RELL1: variants seen among roughly 807,000 people sequenced by gnomAD.
RELL1 encodes RELT like 1, also known as RELT-like protein 1.
Under a neutral mutation model 23.0 loss-of-function variants are expected in RELL1, and 10 were observed. The ratio of observed to expected loss-of-function variants is 0.43; its 90% CI spans 0.27 to 0.74. The LOEUF is 0.74. Ranked by LOEUF, RELL1 falls within the 30% of genes least tolerant of loss-of-function variation. The pLI is 0.19. For missense variants in RELL1, 315 were observed against 364.4 expected (o/e 0.86, Z 1.10); for synonymous variants, 146 against 146.8 (o/e 0.99, Z 0.04).
intron 5 of RELL1, among the ~76,000 whole-genome samples, chr4:37,634,624 A>C (rs1211619790): frequency 6.6e-6 from 1 of 152,254 alleles, no homozygotes; most frequent in Non-Finnish European, 1.5e-5. Context: ...TTCTGTATAC[A>C]GTTGAAAATC....
At chr4:37,605,177 G>A (rs1719156824) in intron 6 of RELL1, among the ~76,000 whole-genome samples, 1 of 152,178 alleles carries the variant, frequency 6.6e-6, no homozygotes, top group Non-Finnish European at 1.5e-5. Context: ...AAGTAGCAGT[G>A]TGGGCACATG....
intron 3 of RELL1, among the ~76,000 whole-genome samples, chr4:37,643,895 G>GT (rs1257249091): frequency 2.6e-5 from 4 of 152,186 alleles, no homozygotes; most frequent in Non-Finnish European, 5.9e-5. Context: ...GCAACATCAG[G>GT]TATTACCTGA....
At position 37,612,340 on chromosome 4, in the gene RELL1, AAAAAAAAAC is replaced by A. The variant is rs1719427944; in HGVS notation, c.*997_*1005del. Reference sequence around the variant, plus strand: ...TAAAGGTTAAAAAAAAAAAAAAAACAAAAAAAAACAAAAAACCGGGTGCAGTGGCCCACG... The same window carrying A: ...TAAAGGTTAAAAAAAAAAAAAAAACAAAAAAACCGGGTGCAGTGGCCCACG... On this transcript the variant is annotated 3_prime_UTR_variant, in exon 7 of 7. Coordinates refer to ENST00000454158, the MANE Select transcript of RELL1 (RefSeq NM_001085400.2). Among the ~76,000 whole-genome samples, 23 of 3,086 alleles carry A rather than the reference AAAAAAAAAC, an allele frequency of 7.5e-3. No homozygotes were observed. The highest frequency in any genetic ancestry group is 0.033 in the Non-Finnish European group (13 of 396). The allele number at this position is 3,086 out of a possible 152,430, so 2.0% of individuals were successfully genotyped here. A position where few individuals can be genotyped will look rare whatever the true frequency, so the allele number is the denominator to read the frequency against.
At chr4:37,596,728 AT>A (rs1718862444) in intron 6 of RELL1, among the ~76,000 whole-genome samples, 1 of 16,730 alleles carries the variant, frequency 6.0e-5, no homozygotes. Context: ...ATATATATAT[AT>A]ATATATATTT....
At position 37,612,316 on chromosome 4, in the gene RELL1, A is replaced by G. The variant is rs1262416537; in HGVS notation, c.*1030T>C. Among the ~76,000 whole-genome samples the G allele has an allele frequency of 8.6e-6, 1 of 115,684 alleles. No individual in the cohort carries two copies. The highest frequency in any genetic ancestry group is 1.8e-5 in the Non-Finnish European group (1 of 55,988). 75.9% of individuals were successfully genotyped at this position (115,684 alleles called of 152,430 possible). A position where few individuals can be genotyped will look rare whatever the true frequency, so the allele number is the denominator to read the frequency against. On this transcript the variant is annotated 3_prime_UTR_variant, in exon 7 of 7. Coordinates refer to ENST00000454158, the MANE Select transcript of RELL1 (RefSeq NM_001085400.2). ...TGGATTAACCAAGAATCGCTCAGCTAAAGGTTAAAAAAAAAAAAAAAACAA... is the reference window on the plus strand; with the variant it reads ...TGGATTAACCAAGAATCGCTCAGCTGAAGGTTAAAAAAAAAAAAAAAACAA...
At chr4:37,607,035 A>C (rs1053351468), downstream of RELL1, among the ~76,000 whole-genome samples, 4 of 152,172 alleles carry the variant, frequency 2.6e-5, no homozygotes, top group African/African-American at 9.7e-5. Context: ...CCTTATGCAA[A>C]ACCTCCGTCT....
At chr4:37,609,064 GA>G (rs1320335192), downstream of RELL1, among the ~76,000 whole-genome samples, 2 of 152,200 alleles carry the variant, frequency 1.3e-5, no homozygotes, top group Non-Finnish European at 2.9e-5. Flanking sequence ...GTGGCTAAAT[GA>G]AAAAACAGAT....
chr4:37,604,634 G>A (rs1330298802), intron 6 of RELL1, among the ~76,000 whole-genome samples: 1 of 152,080 alleles, frequency 6.6e-6, no homozygotes, highest in Non-Finnish European at 1.5e-5. Context: ...TGCAGATGGT[G>A]ACAAATGACT....
chr4:37,607,586 T>C (rs201817933), downstream of RELL1, among the ~76,000 whole-genome samples: 3,887 of 149,188 alleles, frequency 0.026, 193 homozygotes, highest in East Asian at 0.12. Flanking sequence ...TTTCTTTTTT[T>C]TTTTTTTTTT....
chr4:37,602,524 C>T (rs1029029078), intron 6 of RELL1, among the ~76,000 whole-genome samples: 4 of 152,022 alleles, frequency 2.6e-5, no homozygotes, highest in African/African-American at 9.7e-5. Context: ...CTCAACTCGA[C>T]TCAGACAAAG....
chr4:37,638,476 T>A lies in RELL1; in HGVS notation c.414A>T (p.Val138=). 1 of 1,613,118 alleles carries A rather than the reference T, an allele frequency of 6.2e-7. No individual in the cohort carries two copies. Among genetic ancestry groups the A allele is most frequent in the Non-Finnish European group, 8.5e-7 (1 of 1,179,394 alleles). Residue 138 remains valine (V), a synonymous_variant, in exon 4 of 7, where the codon GTA becomes GTT. Transcript: ENST00000454158. The part of the protein sequence containing the change: ...EANADVLKAM[V]ADNSLYDPES... ...CAGGATCATACAGGCTGTTATCTGCTACCATCGCCTTTAAGACATCAGCAT... is the reference window on the plus strand; with the variant it reads ...CAGGATCATACAGGCTGTTATCTGCAACCATCGCCTTTAAGACATCAGCAT...
chr4:37,644,169 A>G (rs1720616823), intron 3 of RELL1, among the ~76,000 whole-genome samples: 1 of 152,160 alleles, frequency 6.6e-6, no homozygotes, highest in South Asian at 2.1e-4. Context: ...AAAGGAAAAC[A>G]ACATCATTTA....
chr4:37,610,775 T>C lies in RELL1; in HGVS notation c.*2571A>G, dbSNP rs1719348006. ...TTTTTACATCAAGGTAGTAGCCAACTCATTGATGACACCAAAAAGTTGTCC... is the reference window on the plus strand; with the variant it reads ...TTTTTACATCAAGGTAGTAGCCAACCCATTGATGACACCAAAAAGTTGTCC... On this transcript the variant is annotated 3_prime_UTR_variant, in exon 7 of 7. Coordinates refer to ENST00000454158, the MANE Select transcript of RELL1 (RefSeq NM_001085400.2). The surrounding 1 kb of genome is among the most constrained non-coding windows in gnomAD (Gnocchi z 4.1). 6.6e-6 allele frequency among the ~76,000 whole-genome samples: 1 copy of C among 152,238 alleles called. No homozygotes were observed. The highest frequency in any genetic ancestry group is 2.1e-4 in the South Asian group (1 of 4,834).
At chr4:37,666,943 G>A (rs1045704534) in intron 1 of RELL1, among the ~76,000 whole-genome samples, 1 of 152,338 alleles carries the variant, frequency 6.6e-6, no homozygotes, top group East Asian at 1.9e-4. Context: ...ACTGGAAAAG[G>A]AAGGTGAGTA....
At chr4:37,615,253 TGA>T (rs1311670857) in intron 6 of RELL1, among the ~76,000 whole-genome samples, 1 of 152,196 alleles carries the variant, frequency 6.6e-6, no homozygotes, top group East Asian at 1.9e-4. Context: ...GTAATATCTT[TGA>T]GAGAGGAAGT....
chr4:37,618,362 G>A (rs933303263), intron 6 of RELL1, among the ~76,000 whole-genome samples: 1 of 151,670 alleles, frequency 6.6e-6, no homozygotes, highest in African/African-American at 2.4e-5. Context: ...TGGGACTACA[G>A]GTGCATGCCA....
chr4:37,609,914 A>G (rs1208690081), downstream of RELL1, among the ~76,000 whole-genome samples: 3 of 152,244 alleles, frequency 2.0e-5, no homozygotes, highest in Non-Finnish European at 4.4e-5. Context: ...CACTGTTGAA[A>G]TGACAGCAAA....
At position 37,612,333 on chromosome 4, in the gene RELL1, AAAAAAC is replaced by A. The variant is rs1183471899; in HGVS notation, c.*1007_*1012del. 8.3e-5 allele frequency among the ~76,000 whole-genome samples: 2 copies of A among 24,158 alleles called. No homozygotes were observed. The highest frequency in any genetic ancestry group is 7.4e-5 in the African/African-American group (1 of 13,564). 15.8% of individuals were successfully genotyped at this position (24,158 alleles called of 152,430 possible). ...GCTCAGCTAAAGGTTAAAAAAAAAAAAAAAACAAAAAAAAACAAAAAACCGGGTGCA... is the reference window on the plus strand; with the variant it reads ...GCTCAGCTAAAGGTTAAAAAAAAAAAAAAAAAAAACAAAAAACCGGGTGCA... On this transcript the variant is annotated 3_prime_UTR_variant, in exon 7 of 7. Transcript: ENST00000454158.
intron 1 of RELL1, among the ~76,000 whole-genome samples, chr4:37,676,294 C>G (rs1722022549): frequency 6.6e-6 from 1 of 152,122 alleles, no homozygotes; most frequent in Non-Finnish European, 1.5e-5. Flanking sequence ...ATTCTCAGAG[C>G]CTTGCACACT....
Sources: allele counts gnomAD v4.1 joint callset (sites outside exome capture counted in the v4.1 genomes callset), GRCh38; gene constraint gnomAD v4.1.1; non-coding constraint Gnocchi (gnomAD v3.1); transcripts MANE v1.5; gene names NCBI Gene and HGNC (gene_info 2026-07-23, HGNC 2026-07-21).